Variants in FRMD5 observed in about 807,000 individuals in gnomAD.
The protein encoded by FRMD5 is FERM domain-containing protein 5.
A neutral mutation model predicts 69.0 loss-of-function variants in FRMD5; 20 were observed. The observed-to-expected ratio is 0.29, with a 90% CI of 0.20 to 0.42. FRMD5 has a LOEUF of 0.42. Among genes scored for constraint, FRMD5 ranks in the 10% least tolerant of loss-of-function variants. The pLI is 1.00. For synonymous variants in FRMD5, 271 were observed against 260.1 expected, an observed-to-expected ratio of 1.04 and a Z score of -0.40; for missense variants, 595 against 708.6, an observed-to-expected ratio of 0.84 and a Z score of 1.82.
intron 1 of FRMD5, among the ~76,000 whole-genome samples, chr15:44,079,630 A>G (rs1044388115): frequency 6.6e-6 from 1 of 152,136 alleles, no homozygotes; most frequent in African/African-American, 2.4e-5. Context: ...AAAGAACTGA[A>G]AGCAGGGACT....
intron 1 of FRMD5, among the ~76,000 whole-genome samples, chr15:43,965,576 CTTTTTTTTTTTT>C (rs35986581): frequency 9.1e-6 from 1 of 110,408 alleles, no homozygotes; most frequent in Non-Finnish European, 1.9e-5. Flanking sequence ...TTTAAAAAGT[CTTTTTTTTTTTT>C]TTTTTTTTTT....
chr15:44,112,913 CTTTCA>C (rs1465471994), intron 1 of FRMD5, among the ~76,000 whole-genome samples: 2 of 152,156 alleles, frequency 1.3e-5, no homozygotes, highest in African/African-American at 4.8e-5. Flanking sequence ...TGATTTTTTC[CTTTCA>C]TATTTCTCTT....
At chr15:44,133,011 T>C (rs2077126293) in intron 1 of FRMD5, among the ~76,000 whole-genome samples, 1 of 151,936 alleles carries the variant, frequency 6.6e-6, no homozygotes, top group Non-Finnish European at 1.5e-5. Flanking sequence ...TCCGCCCATC[T>C]TGGCCTCCCA....
intron 7 of FRMD5, among the ~76,000 whole-genome samples, chr15:43,898,569 T>C (rs1302359098): frequency 3.3e-5 from 5 of 152,204 alleles, no homozygotes; most frequent in Non-Finnish European, 4.4e-5. Flanking sequence ...TCTCCGTAAG[T>C]TGGGCCCAGG....
At chr15:44,026,999 A>C (rs979099086) in intron 1 of FRMD5, among the ~76,000 whole-genome samples, 1 of 152,230 alleles carries the variant, frequency 6.6e-6, no homozygotes, top group Non-Finnish European at 1.5e-5. Context: ...ATGCAATAAA[A>C]AATAGCAAGA....
At chr15:44,011,509 T>C (rs1001461013) in intron 1 of FRMD5, among the ~76,000 whole-genome samples, 2 of 152,042 alleles carry the variant, frequency 1.3e-5, no homozygotes, top group African/African-American at 4.8e-5. Flanking sequence ...CTGGACACAA[T>C]GAAGTGTTAG....
chr15:43,890,939 T>C (rs1161465572), intron 8 of FRMD5, among the ~76,000 whole-genome samples: 1 of 152,150 alleles, frequency 6.6e-6, no homozygotes, highest in Non-Finnish European at 1.5e-5. Context: ...TGGTCTGCAG[T>C]GTCCCCAGCA....
chr15:44,096,922 C>G (rs868760489), intron 1 of FRMD5, among the ~76,000 whole-genome samples: 1 of 152,080 alleles, frequency 6.6e-6, no homozygotes, highest in Middle Eastern at 3.2e-3. Flanking sequence ...TGGTGAGTGA[C>G]CCTTGCCATA....
At chr15:43,992,077 A>AT (rs551408234) in intron 1 of FRMD5, among the ~76,000 whole-genome samples, 26 of 152,352 alleles carry the variant, frequency 1.7e-4, no homozygotes, top group African/African-American at 6.3e-4. Context: ...TTTCTACTAT[A>AT]ATTCTGGCTT....
chr15:43,949,971 T>C (rs1160680467), intron 1 of FRMD5, among the ~76,000 whole-genome samples: 1 of 152,196 alleles, frequency 6.6e-6, no homozygotes, highest in Non-Finnish European at 1.5e-5. Flanking sequence ...GGCACACGTG[T>C]CAGGCAGCCA....
At chr15:44,129,320 A>G (rs879626544) in intron 1 of FRMD5, among the ~76,000 whole-genome samples, 51 of 152,192 alleles carry the variant, frequency 3.4e-4, no homozygotes, top group Admixed American at 1.3e-4. Flanking sequence ...TAAACCTAAA[A>G]CCTGACCATT....
intron 1 of FRMD5, among the ~76,000 whole-genome samples, chr15:44,181,235 G>C (rs544700304): frequency 6.6e-6 from 1 of 151,720 alleles, no homozygotes; most frequent in Admixed American, 6.6e-5. Flanking sequence ...TAGAGACAGC[G>C]GTCTCACTAT....
At chr15:44,027,187 A>C (rs960248819) in intron 1 of FRMD5, among the ~76,000 whole-genome samples, 1 of 152,128 alleles carries the variant, frequency 6.6e-6, no homozygotes, top group East Asian at 1.9e-4. Flanking sequence ...TCCCTATAAC[A>C]ATGTCACAAT....
intron 12 of FRMD5, 89 bp from the exon 13 acceptor site, chr15:43,883,898 C>A (rs1426508987): frequency 2.2e-6 from 2 of 916,416 alleles, no homozygotes; most frequent in Non-Finnish European, 1.8e-6. Context: ...ACTAGAATTG[C>A]CTGGCTATAT....
At chr15:43,883,879 G>A in intron 12 of FRMD5, 70 bp from the exon 13 acceptor site, 1 of 1,100,272 alleles carries the variant, frequency 9.1e-7, no homozygotes, top group South Asian at 1.3e-5. Context: ...TAAGAATTGA[G>A]TACTGGCTAC....
chr15:44,124,897 G>A (rs1412462970), intron 1 of FRMD5, among the ~76,000 whole-genome samples: 1 of 152,096 alleles, frequency 6.6e-6, no homozygotes, highest in Non-Finnish European at 1.5e-5. Flanking sequence ...AAGAGGACGG[G>A]AAGATCGCTT....
chr15:44,047,058 G>C (rs8029723), intron 1 of FRMD5, among the ~76,000 whole-genome samples: 12 of 152,192 alleles, frequency 7.9e-5, no homozygotes, highest in African/African-American at 2.9e-4. Flanking sequence ...TGTAATCCTA[G>C]CACTTCAGGA....
At chr15:44,128,760 G>T (rs183108278) in intron 1 of FRMD5, among the ~76,000 whole-genome samples, 1 of 151,936 alleles carries the variant, frequency 6.6e-6, no homozygotes, top group African/African-American at 2.4e-5. Flanking sequence ...AACTGAAGAT[G>T]ATAGGAATCA....
intron 1 of FRMD5, among the ~76,000 whole-genome samples, chr15:43,963,608 G>T (rs1012170152): frequency 6.6e-6 from 1 of 152,116 alleles, no homozygotes; most frequent in African/African-American, 2.4e-5. Context: ...ACATGCACAC[G>T]TATGTTTATT....
Sources: allele counts gnomAD v4.1 joint callset (sites outside exome capture counted in the v4.1 genomes callset), GRCh38; gene constraint gnomAD v4.1.1; transcripts MANE v1.5; gene names NCBI Gene and HGNC (gene_info 2026-07-23, HGNC 2026-07-21).